EPS15L1: variants seen among roughly 807,000 people sequenced by gnomAD.
EPS15L1 encodes epidermal growth factor receptor pathway substrate 15 like 1.
EPS15L1 carries 43 observed loss-of-function variants against 117.1 expected under a neutral mutation model. The observed-to-expected ratio is 0.37, with a 90% CI of 0.29 to 0.47. The LOEUF is 0.47. Ranked by LOEUF, EPS15L1 falls within the 20% of genes least tolerant of loss-of-function variation. The pLI is 0.99. For missense variants in EPS15L1, 981 were observed against 1,164.0 expected (o/e 0.84, Z 2.29); for synonymous variants, 459 against 470.5 (o/e 0.98, Z 0.32).
Position 16,405,373 on chromosome 19 carries a change from C to T in EPS15L1, c.1267-624G>A, listed in dbSNP as rs1438713600. On this transcript the variant is annotated intron_variant, in intron 13 of 23. Coordinates refer to ENST00000455140, the MANE Select transcript of EPS15L1 (RefSeq NM_001258374.3). The surrounding 1 kb of genome is among the most constrained non-coding windows in gnomAD (Gnocchi z 4.0). ...GCGCTGGGCTCTGTGGTGGGGAGCC[C>T]GGTGGGATGTGTGAGTGTGGGAGGC... 6.6e-6 allele frequency among the ~76,000 whole-genome samples: 1 copy of T among 152,094 alleles called. No individual in the cohort carries two copies. Among genetic ancestry groups the T allele is most frequent in the African/African-American group, 2.4e-5 (1 of 41,418 alleles).
At chr19:16,458,399 AG>A (rs1045136426) in intron 1 of EPS15L1, among the ~76,000 whole-genome samples, 1 of 152,116 alleles carries the variant, frequency 6.6e-6, no homozygotes, top group African/African-American at 2.4e-5. Context: ...AATGCACAGC[AG>A]GGGTGACAAG....
chr19:16,437,902 A>G (rs1314886083), intron 4 of EPS15L1, 37 bp from the exon 5 acceptor site: 1 of 1,510,314 alleles, frequency 6.6e-7, no homozygotes, highest in South Asian at 1.1e-5. Flanking sequence ...TAAACAGCAT[A>G]TCGCCAGTGA....
intron 7 of EPS15L1, among the ~76,000 whole-genome samples, chr19:16,430,373 C>T (rs770112691): frequency 4.6e-4 from 70 of 152,218 alleles, no homozygotes; most frequent in Admixed American, 1.3e-3. Context: ...CCGCCCTGTC[C>T]ACAGTAGGAC....
rs1211403252 is a variant in EPS15L1 at position 16,377,241 on chromosome 19, C to A, written c.2261G>T (p.Gly754Val). Residue 754 changes from glycine to valine, a missense_variant, in exon 22 of 24, where the codon GGC becomes GTC. By Grantham distance (109) the Gly-to-Val change is moderately radical (BLOSUM62 -3). Coordinates refer to ENST00000455140, the MANE Select transcript of EPS15L1 (RefSeq NM_001258374.3). ...CCCTCCCAAGGAGGAGGTGAAAGGG[C>A]CAGAAGGTGGGGGCTGTAAGAGAGG... ...FSQMSKPPPSGPFTSSLGGAG... is the reference protein window; with the variant it reads ...FSQMSKPPPSVPFTSSLGGAG... The A allele has an allele frequency of 6.2e-7, 1 of 1,611,270 alleles. No homozygotes were observed. The highest frequency in any genetic ancestry group is 1.7e-5 in the Admixed American group (1 of 59,094).
At chr19:16,362,173 C>T (rs1003415111) in intron 22 of EPS15L1, among the ~76,000 whole-genome samples, 189 bp from the exon 23 acceptor site, 2 of 152,136 alleles carry the variant, frequency 1.3e-5, no homozygotes, top group Non-Finnish European at 2.9e-5. Flanking sequence ...AGGGGCTTAA[C>T]GGGTTGTGAA....
intron 12 of EPS15L1, among the ~76,000 whole-genome samples, chr19:16,416,787 G>A (rs955694657): frequency 3.9e-5 from 6 of 152,122 alleles, no homozygotes; most frequent in Admixed American, 3.9e-4. Context: ...GTGACAGAGC[G>A]AGACCCTGTC....
chr19:16,384,637 C>T (rs2092399950), intron 21 of EPS15L1, among the ~76,000 whole-genome samples: 1 of 152,210 alleles, frequency 6.6e-6, no homozygotes, highest in South Asian at 2.1e-4. Context: ...TGCTGTCCTC[C>T]TTCAACAGTT....
chr19:16,436,915 G>A, intron 6 of EPS15L1, 22 bp downstream of exon 6: 1 of 1,592,970 alleles, frequency 6.3e-7, no homozygotes, highest in Non-Finnish European at 8.6e-7. Flanking sequence ...AGCCAAGGAG[G>A]GAGCTATTCC....
intron 22 of EPS15L1, among the ~76,000 whole-genome samples, chr19:16,373,928 G>C (rs913327057): frequency 2.0e-5 from 3 of 152,222 alleles, no homozygotes; most frequent in Non-Finnish European, 1.5e-5. Flanking sequence ...CCAGCAGCGA[G>C]TACAATGCAG....
At chr19:16,439,736 G>T (rs967807865) in intron 4 of EPS15L1, among the ~76,000 whole-genome samples, 9 of 151,720 alleles carry the variant, frequency 5.9e-5, no homozygotes, top group South Asian at 2.1e-4. Context: ...CATGCACCAT[G>T]AACCTCAAAG....
intron 23 of EPS15L1, chr19:16,356,967 CT>C (rs1347349746): frequency 2.0e-5 from 3 of 152,212 alleles, no homozygotes; most frequent in African/African-American, 7.2e-5. Context: ...GACCAGCTCT[CT>C]GCTCAACACT....
intron 1 of EPS15L1, among the ~76,000 whole-genome samples, chr19:16,461,788 T>C (rs2093255203): frequency 6.6e-6 from 1 of 152,232 alleles, no homozygotes; most frequent in African/African-American, 2.4e-5. Context: ...GTGCCCTGAC[T>C]GCTGTCACCG....
Position 16,355,512 on chromosome 19 carries a change from G to A in EPS15L1, c.*193C>T. On this transcript the variant is annotated 3_prime_UTR_variant, in exon 24 of 24. Transcript: ENST00000455140. ...CGGACCTGCAGAAGTGGTGGCCAAG[G>A]CCTCTGTAAGGGCTTCCCCAGGAGA... The A allele has an allele frequency of 3.1e-6, 2 of 651,230 alleles. No individual in the cohort carries two copies. The highest frequency in any genetic ancestry group is 4.6e-5 in the South Asian group (2 of 43,106). 40.3% of individuals were successfully genotyped at this position (651,230 alleles called of 1,614,324 possible).
chr19:16,457,759 C>G (rs1417223762), intron 1 of EPS15L1, among the ~76,000 whole-genome samples: 1 of 152,152 alleles, frequency 6.6e-6, no homozygotes, highest in African/African-American at 2.4e-5. Flanking sequence ...GACATCACCC[C>G]TCCCGGGCAT....
At chr19:16,389,957 G>C (rs2144762267) in intron 19 of EPS15L1, among the ~76,000 whole-genome samples, 1 of 152,108 alleles carries the variant, frequency 6.6e-6, no homozygotes. Flanking sequence ...CAATTCAAAA[G>C]AAAGCAGGAA....
At chr19:16,362,726 C>A (rs2092075167) in intron 22 of EPS15L1, among the ~76,000 whole-genome samples, 1 of 151,824 alleles carries the variant, frequency 6.6e-6, no homozygotes, top group Non-Finnish European at 1.5e-5. Context: ...CCCAGGCTAG[C>A]CTCAAACTCC....
At chr19:16,402,752 A>G (rs2092615454) in intron 15 of EPS15L1, among the ~76,000 whole-genome samples, 2 of 151,902 alleles carry the variant, frequency 1.3e-5, no homozygotes, top group Non-Finnish European at 2.9e-5. Flanking sequence ...TACAAAAAAA[A>G]TTCTGTATTT....
intron 15 of EPS15L1, 34 bp downstream of exon 15, chr19:16,403,699 T>C (rs2092625439): frequency 5.0e-6 from 8 of 1,594,660 alleles, no homozygotes; most frequent in Non-Finnish European, 6.0e-6. Flanking sequence ...CGCTGGTCCC[T>C]GGCATGTGGC....
intron 13 of EPS15L1, among the ~76,000 whole-genome samples, chr19:16,407,078 C>G (rs2092663877): frequency 6.6e-6 from 1 of 152,228 alleles, no homozygotes; most frequent in African/African-American, 2.4e-5. Context: ...GCCTCCTGAA[C>G]TGTGAGCAGT....
Sources: gnomAD v4.1 joint callset for allele counts (sites outside exome capture counted in the v4.1 genomes callset) on GRCh38, gnomAD v4.1.1 for gene constraint, Gnocchi (gnomAD v3.1) non-coding constraint, MANE v1.5 for transcripts, NCBI Gene and HGNC (gene_info 2026-07-23, HGNC 2026-07-21) for gene names.